The following CDH4 variants were observed in gnomAD, a reference collection of about 807,000 sequenced individuals.
The protein encoded by CDH4 is cadherin-4.
Under a neutral mutation model 86.0 loss-of-function variants are expected in CDH4, and 33 were observed. The observed-to-expected ratio is 0.38, with a 90% CI of 0.29 to 0.51. The LOEUF (loss-of-function observed/expected upper bound fraction) is 0.51. Ranked by LOEUF, CDH4 falls within the 20% of genes least tolerant of loss-of-function variation. The pLI is 0.86. For missense variants in CDH4, 1,114 were observed against 1,307.4 expected, an observed-to-expected ratio of 0.85 and a Z score of 2.28; for synonymous variants, 555 against 549.4, an observed-to-expected ratio of 1.01 and a Z score of -0.14.
intron 4 of CDH4, among the ~76,000 whole-genome samples, chr20:61,802,286 C>T (rs1979870442): frequency 1.3e-5 from 2 of 152,202 alleles, no homozygotes; most frequent in Non-Finnish European, 2.9e-5. Context: ...TCAGGATTCT[C>T]ACTCAAGGTC....
chr20:61,606,386 C>T (rs1326449841), intron 2 of CDH4, among the ~76,000 whole-genome samples: 1 of 152,230 alleles, frequency 6.6e-6, no homozygotes, highest in African/African-American at 2.4e-5. Flanking sequence ...TGAATGACTT[C>T]CCCAGAGTCA....
intron 2 of CDH4, among the ~76,000 whole-genome samples, chr20:61,545,828 GTA>G (rs1341218001): frequency 9.8e-5 from 14 of 143,138 alleles, no homozygotes; most frequent in East Asian, 2.1e-4. Context: ...TCACATGTGT[GTA>G]TGTGTGTGTG....
intron 3 of CDH4, among the ~76,000 whole-genome samples, chr20:61,755,342 C>T (rs543297742): frequency 1.3e-5 from 2 of 149,372 alleles, no homozygotes; most frequent in South Asian, 4.3e-4. Flanking sequence ...CTTGTAACAC[C>T]ACACACATAG....
At chr20:61,524,455 T>C (rs1049728043) in intron 2 of CDH4, among the ~76,000 whole-genome samples, 3 of 152,022 alleles carry the variant, frequency 2.0e-5, no homozygotes, top group Admixed American at 6.6e-5. Flanking sequence ...CGGGACTCTC[T>C]GCACTAATTT....
chr20:61,676,424 G>A lies in CDH4; in HGVS notation c.170-67139G>A, dbSNP rs187027730. Among the ~76,000 whole-genome samples the A allele has an allele frequency of 4.2e-4, 64 of 152,304 alleles. No homozygotes were observed. The highest frequency in any genetic ancestry group is 1.3e-3 in the African/African-American group (53 of 41,576). On this transcript the variant is annotated intron_variant, in intron 2 of 15. Transcript: ENST00000614565. The surrounding 1 kb of genome is among the most constrained non-coding windows in gnomAD (Gnocchi z 4.5). ...TCTTTACCTGAAAAAGAAGGTGGAT[G>A]GGGGAGGGATGGTGTGAACAATGGA...
At chr20:61,435,133 C>T (rs1171598965) in intron 2 of CDH4, among the ~76,000 whole-genome samples, 1 of 152,186 alleles carries the variant, frequency 6.6e-6, no homozygotes, top group Non-Finnish European at 1.5e-5. Flanking sequence ...TGTAGGCAGA[C>T]GTGGCTTTTC....
At chr20:61,547,281 C>G (rs1392224181) in intron 2 of CDH4, among the ~76,000 whole-genome samples, 1 of 142,972 alleles carries the variant, frequency 7.0e-6, no homozygotes, top group Non-Finnish European at 1.5e-5. Flanking sequence ...GGCTGGATCT[C>G]GGCTCACTGC....
intron 2 of CDH4, among the ~76,000 whole-genome samples, chr20:61,609,063 C>T (rs545798456): frequency 6.6e-6 from 1 of 152,296 alleles, no homozygotes; most frequent in African/African-American, 2.4e-5. Flanking sequence ...AGCCAGTTTT[C>T]CTTCTCAGGT....
At chr20:61,303,314 G>C (rs955901265) in intron 2 of CDH4, among the ~76,000 whole-genome samples, 1 of 152,200 alleles carries the variant, frequency 6.6e-6, no homozygotes, top group Non-Finnish European at 1.5e-5. Flanking sequence ...CTGCTGGGGT[G>C]GCCTTCCTGC....
chr20:61,685,772 G>A (rs2087566931), intron 2 of CDH4, among the ~76,000 whole-genome samples: 1 of 152,208 alleles, frequency 6.6e-6, no homozygotes, highest in Non-Finnish European at 1.5e-5. Flanking sequence ...TCCTCACGGG[G>A]CTACCCCTCG....
chr20:61,626,856 C>CAG (rs1196153606), intron 2 of CDH4, among the ~76,000 whole-genome samples: 1 of 152,156 alleles, frequency 6.6e-6, no homozygotes, highest in Non-Finnish European at 1.5e-5. Flanking sequence ...GAATTCAGGC[C>CAG]AGAGAATGAG....
At position 61,656,341 on chromosome 20, in the gene CDH4, G is replaced by T. The variant is rs1332183772; in HGVS notation, c.170-87222G>T. 6.2e-5 allele frequency among the ~76,000 whole-genome samples: 9 copies of T among 145,296 alleles called. No homozygotes were observed. In the East Asian group the frequency reaches 1.8e-3, roughly 29 times the overall value. The stretch of plus-strand genomic sequence containing the variant: ...AGTGGGCAGGCGCGTGCTGGGGTGG[G>T]TAGGCGCGTGCTGAAGTGGGCAGGC... On this transcript the variant is annotated intron_variant, in intron 2 of 15. Transcript: ENST00000614565.
chr20:61,373,798 C>T (rs781537203), intron 2 of CDH4, among the ~76,000 whole-genome samples: 4 of 152,178 alleles, frequency 2.6e-5, no homozygotes, highest in Admixed American at 6.5e-5. Flanking sequence ...TTGAACACAT[C>T]GAGGGCAACA....
At position 61,515,454 on chromosome 20, in the gene CDH4, G is replaced by T. The variant is rs142136507; in HGVS notation, c.170-228109G>T. Among the ~76,000 whole-genome samples the T allele has an allele frequency of 5.3e-5, 8 of 152,348 alleles. No homozygotes were observed. In the East Asian group the frequency reaches 1.5e-3, roughly 29 times the overall value. ...CCTGGTTTTCCCTGGATGGGAAGGG[G>T]GACCCTCCTCATGGTGGCTGCAGAA... is the stretch of plus-strand genomic sequence containing the variant. On this transcript the variant is annotated intron_variant, in intron 2 of 15. Coordinates refer to ENST00000614565, the MANE Select transcript of CDH4 (RefSeq NM_001794.5).
At chr20:61,477,871 C>T (rs1432412201) in intron 2 of CDH4, among the ~76,000 whole-genome samples, 1 of 152,218 alleles carries the variant, frequency 6.6e-6, no homozygotes, top group African/African-American at 2.4e-5. Flanking sequence ...TGTTCTCAAG[C>T]AGAACCTTCT....
intron 7 of CDH4, among the ~76,000 whole-genome samples, chr20:61,876,255 G>A (rs1443534498): frequency 6.6e-6 from 1 of 152,232 alleles, no homozygotes; most frequent in Admixed American, 6.5e-5. Flanking sequence ...CGTGCCATCA[G>A]CTCCTGGTGT....
At chr20:61,690,641 C>CG (rs1568758134) in intron 2 of CDH4, among the ~76,000 whole-genome samples, 1 of 151,962 alleles carries the variant, frequency 6.6e-6, no homozygotes, top group East Asian at 1.9e-4. Flanking sequence ...CTTTGGAGGA[C>CG]GGGGGGAGTT....
At chr20:61,588,673 C>T (rs1399898913) in intron 2 of CDH4, among the ~76,000 whole-genome samples, 1 of 152,178 alleles carries the variant, frequency 6.6e-6, no homozygotes, top group African/African-American at 2.4e-5. Flanking sequence ...CCCCTTTCTC[C>T]TCTGTCTCCA....
chr20:61,290,600 C>T (rs889410987), intron 2 of CDH4, among the ~76,000 whole-genome samples: 3 of 152,206 alleles, frequency 2.0e-5, no homozygotes, highest in Admixed American at 2.0e-4. Flanking sequence ...CTGCCCTGGT[C>T]CTTGCAGATG....
Sources: gnomAD v4.1 joint callset for allele counts (sites outside exome capture counted in the v4.1 genomes callset) on GRCh38, gnomAD v4.1.1 for gene constraint, Gnocchi (gnomAD v3.1) non-coding constraint, MANE v1.5 for transcripts, NCBI Gene and HGNC (gene_info 2026-07-23, HGNC 2026-07-21) for gene names.